Variants in RBM18 observed in about 807,000 individuals in gnomAD.
RBM18 encodes probable RNA-binding protein 18.
RBM18 carries 18 observed loss-of-function variants against 26.4 expected under a neutral mutation model. That is an observed-to-expected ratio of 0.68 (90% CI 0.47 to 1.01). RBM18 has a LOEUF of 1.01. Ranked by LOEUF, RBM18 falls within the 50% of genes least tolerant of loss-of-function variation. The pLI is 0.00. For synonymous variants in RBM18, 74 were observed against 81.1 expected (o/e 0.91, Z 0.47); for missense variants, 180 against 219.2 (o/e 0.82, Z 1.13).
intron 1 of RBM18, among the ~76,000 whole-genome samples, chr9:122,264,378 T>C (rs1218745177): frequency 3.9e-5 from 6 of 152,234 alleles, no homozygotes; most frequent in African/African-American, 1.4e-4. Context: ...TCCTTTAGAC[T>C]ACCAGAGTTC....
intron 3 of RBM18, among the ~76,000 whole-genome samples, chr9:122,251,113 C>T (rs1831597120): frequency 6.6e-6 from 1 of 152,000 alleles, no homozygotes; most frequent in African/African-American, 2.4e-5. Flanking sequence ...GAGACAGGGT[C>T]TCACTATGTT....
chr9:122,258,908 CAAAAAAAAA>C (rs11453707), intron 2 of RBM18, among the ~76,000 whole-genome samples: 1 of 109,408 alleles, frequency 9.1e-6, no homozygotes, highest in Non-Finnish European at 1.8e-5. Context: ...ACAGAGCTGT[CAAAAAAAAA>C]AAAAAAAAAG....
chr9:122,249,942 GTGCC>G (rs1293865337), intron 3 of RBM18, among the ~76,000 whole-genome samples: 1 of 151,586 alleles, frequency 6.6e-6, no homozygotes, highest in African/African-American at 2.4e-5. Context: ...ATGCTGGCAT[GTGCC>G]TGTAGTCCCA....
intron 3 of RBM18, 60 bp downstream of exon 3, chr9:122,251,787 G>C: frequency 4.6e-6 from 7 of 1,524,024 alleles, no homozygotes; most frequent in Non-Finnish European, 6.3e-6. Flanking sequence ...CAAGAGACAT[G>C]CACAAATAAT....
At position 122,241,906 on chromosome 9, in the gene RBM18, G is replaced by A. The variant is rs372681152; in HGVS notation, c.551C>T (p.Thr184Ile). The A allele has an allele frequency of 6.8e-5, 109 of 1,613,854 alleles. No individual in the cohort carries two copies. The highest frequency in any genetic ancestry group is 9.0e-5 in the Non-Finnish European group (106 of 1,179,950). ...DKKRTTPYSRTAWKSRR is the reference protein window; with the variant it reads ...DKKRTTPYSRIAWKSRR ...CCATCATCTTCGAGATTTCCATGCT[G>A]TTCTAGAATATGGAGTAGTCCTTTT... The change falls in exon 6 of 6, where the codon ACA (threonine) becomes ATA (isoleucine). Residue 184 changes from threonine (T) to isoleucine (I), a missense_variant. By Grantham distance (89) the Thr-to-Ile change is moderately conservative (BLOSUM62 -1). Coordinates refer to ENST00000417201, the MANE Select transcript of RBM18 (RefSeq NM_033117.4).
intron 2 of RBM18, among the ~76,000 whole-genome samples, chr9:122,261,130 C>T (rs1475035702): frequency 6.6e-6 from 1 of 151,948 alleles, no homozygotes; most frequent in Non-Finnish European, 1.5e-5. Context: ...AATGGGAGAA[C>T]GTCTTTGGCA....
chr9:122,255,652 GACTC>G (rs925159641), intron 2 of RBM18, among the ~76,000 whole-genome samples: 3 of 152,090 alleles, frequency 2.0e-5, no homozygotes, highest in Non-Finnish European at 1.5e-5. Flanking sequence ...TCATCTCTCA[GACTC>G]ACTCATCAGT....
chr9:122,246,480 G>T (rs1445957669), intron 4 of RBM18, among the ~76,000 whole-genome samples: 2 of 152,222 alleles, frequency 1.3e-5, no homozygotes, highest in African/African-American at 4.8e-5. Flanking sequence ...GATGCAGAAC[G>T]AGAAAACGAG....
chr9:122,251,872 C>A lies in RBM18; in HGVS notation c.215G>T (p.Cys72Phe). The change falls in exon 3 of 6, where the codon TGT becomes TTT. Residue 72 changes from cysteine (C) to phenylalanine (F), a missense_variant. By Grantham distance (205) the Cys-to-Phe change is radical (BLOSUM62 -2). Around this residue, in one of 3 missense-constraint regions of RBM18, gnomAD observed 28 missense variants for 59.9 expected, o/e 0.47. Transcript: ENST00000417201. ...CTGCTTAGTTTCAAAGTTAACAAAA[C>A]AGTAGCCTCGAGGCTGTCCCTCCAA... ...GALEGQPRGYCFVNFETKQEA... is the reference protein window; with the variant it reads ...GALEGQPRGYFFVNFETKQEA... 1 of 1,614,102 alleles carries A rather than the reference C, an allele frequency of 6.2e-7. No individual in the cohort carries two copies.
At chr9:122,261,262 A>C in intron 2 of RBM18, 118 bp downstream of exon 2, 1 of 694,850 alleles carries the variant, frequency 1.4e-6, no homozygotes, top group Middle Eastern at 2.8e-4. Context: ...CTCTCCGAAG[A>C]CACGATGTAA....
intron 3 of RBM18, among the ~76,000 whole-genome samples, chr9:122,250,872 T>C (rs1831590376): frequency 6.7e-6 from 1 of 149,740 alleles, no homozygotes. Context: ...TATTCACACA[T>C]TAATTTTATA....
chr9:122,260,549 A>G (rs910217898), intron 2 of RBM18, among the ~76,000 whole-genome samples: 2 of 152,142 alleles, frequency 1.3e-5, no homozygotes, highest in Non-Finnish European at 2.9e-5. Context: ...GCAGGGAGTC[A>G]GGGCAATTCA....
chr9:122,263,419 C>A (rs967675758), intron 1 of RBM18, among the ~76,000 whole-genome samples: 1 of 152,198 alleles, frequency 6.6e-6, no homozygotes, highest in African/African-American at 2.4e-5. Context: ...ACATTTTTGT[C>A]TTCCCTCTGC....
At chr9:122,247,755 G>A in intron 3 of RBM18, 151 bp from the exon 4 acceptor site, 2 of 536,870 alleles carry the variant, frequency 3.7e-6, no homozygotes, top group South Asian at 2.1e-5. Flanking sequence ...TTACAAGGCA[G>A]AATTTTAAAA....
At chr9:122,252,464 A>G (rs1831620583) in intron 2 of RBM18, among the ~76,000 whole-genome samples, 1 of 152,234 alleles carries the variant, frequency 6.6e-6, no homozygotes, top group Non-Finnish European at 1.5e-5. Context: ...ACAGTCCTGG[A>G]AGATCTTCCT....
chr9:122,250,691 A>C (rs1831586140), intron 3 of RBM18, among the ~76,000 whole-genome samples: 1 of 152,142 alleles, frequency 6.6e-6, no homozygotes, highest in Middle Eastern at 3.2e-3. Flanking sequence ...ACATGATAAT[A>C]TGATTCCATT....
intron 2 of RBM18, among the ~76,000 whole-genome samples, chr9:122,259,666 T>C (rs1236013964): frequency 6.6e-6 from 1 of 152,160 alleles, no homozygotes; most frequent in Non-Finnish European, 1.5e-5. Context: ...ATCTTAACTC[T>C]CATATATACC....
At chr9:122,252,982 C>T (rs938176319) in intron 2 of RBM18, among the ~76,000 whole-genome samples, 4 of 152,204 alleles carry the variant, frequency 2.6e-5, no homozygotes, top group East Asian at 1.9e-4. Flanking sequence ...ACAGCTCTCC[C>T]GTTTCCTTTC....
chr9:122,261,531 G>C (rs146713146), intron 1 of RBM18, 23 bp from the exon 2 acceptor site: 8 of 1,396,204 alleles, frequency 5.7e-6, no homozygotes, highest in Admixed American at 5.0e-5. Flanking sequence ...TGAACATTCA[G>C]GCAGGAGGGG....
Sources: allele counts gnomAD v4.1 joint callset (sites outside exome capture counted in the v4.1 genomes callset), GRCh38; gene constraint gnomAD v4.1.1; regional missense constraint gnomAD v4.1.1; transcripts MANE v1.5; gene names NCBI Gene and HGNC (gene_info 2026-07-23, HGNC 2026-07-21).